ACCSL: variants seen among roughly 807,000 people sequenced by gnomAD.
ACCSL encodes the protein 1-aminocyclopropane-1-carboxylate synthase homolog (inactive) like.
Under a neutral mutation model 61.7 loss-of-function variants are expected in ACCSL, and 55 were observed. The observed-to-expected ratio is 0.89, with a 90% CI of 0.72 to 1.12. The LOEUF is 1.12. Among genes scored for constraint, ACCSL ranks in the 50% most tolerant of loss-of-function variants. The pLI, the probability that ACCSL is intolerant of heterozygous loss-of-function variation, is 0.00. For missense variants in ACCSL, 632 were observed against 698.0 expected (o/e 0.91, Z 1.07); for synonymous variants, 258 against 264.3 (o/e 0.98, Z 0.23).
chr11:44,002,244 C>T, the ACCSL span, among the ~76,000 whole-genome samples: 9 of 152,144 alleles, frequency 5.9e-5, no homozygotes, highest in Non-Finnish European at 1.3e-4. Context: ...TTTGAGAGCG[C>T]GCCTCCCCAT....
At chr11:43,930,171 G>T in the ACCSL span, among the ~76,000 whole-genome samples, 1 of 152,162 alleles carries the variant, frequency 6.6e-6, no homozygotes, top group African/African-American at 2.4e-5. Flanking sequence ...CTAGCCTGGG[G>T]TAAGGCCTGG....
chr11:43,997,914 G>C, the ACCSL span, among the ~76,000 whole-genome samples: 2 of 152,200 alleles, frequency 1.3e-5, no homozygotes, highest in African/African-American at 4.8e-5. Flanking sequence ...ATAGACAAGG[G>C]AGAAGAGGTA....
At chr11:44,040,777 T>G in the ACCSL span, among the ~76,000 whole-genome samples, 1 of 150,906 alleles carries the variant, frequency 6.6e-6, no homozygotes, top group Non-Finnish European at 1.5e-5. Flanking sequence ...GGGCCTCCAG[T>G]GAGGTAGGGT....
chr11:43,986,197 C>T, the ACCSL span, among the ~76,000 whole-genome samples: 1 of 151,950 alleles, frequency 6.6e-6, no homozygotes, highest in Admixed American at 6.6e-5. Flanking sequence ...ATAAAGGGTA[C>T]GCTTCTTTCA....
At chr11:44,051,963 T>C (rs572061447) in intron 5 of ACCSL, among the ~76,000 whole-genome samples, 1 of 152,340 alleles carries the variant, frequency 6.6e-6, no homozygotes, top group South Asian at 2.1e-4. Flanking sequence ...GGAATGATGA[T>C]GGGAGCCTAC....
At chr11:43,942,787 T>G in the ACCSL span, 12 of 586,008 alleles carry the variant, frequency 2.0e-5, no homozygotes, top group South Asian at 7.5e-5. Context: ...CCGCAGCAGA[T>G]TTGGATCCCC....
chr11:44,023,041 C>CTTTTTT, the ACCSL span, among the ~76,000 whole-genome samples: 432 of 86,286 alleles, frequency 5.0e-3, 1 homozygote, highest in East Asian at 9.9e-3. Flanking sequence ...TCTTCTTCTT[C>CTTTTTT]TTTTTTTTTT....
chr11:44,046,238 C>T (rs1301647314), upstream of ACCSL, among the ~76,000 whole-genome samples: 1 of 152,190 alleles, frequency 6.6e-6, no homozygotes, highest in Non-Finnish European at 1.5e-5. Context: ...TCTTTCTCAT[C>T]AGTATGTTCC....
At chr11:44,025,660 T>C in the ACCSL span, among the ~76,000 whole-genome samples, 1 of 152,210 alleles carries the variant, frequency 6.6e-6, no homozygotes, top group African/African-American at 2.4e-5. Context: ...TATTTATTCA[T>C]GTGGATTTGA....
chr11:43,950,872 T>C, the ACCSL span, among the ~76,000 whole-genome samples: 1 of 152,240 alleles, frequency 6.6e-6, no homozygotes, highest in Non-Finnish European at 1.5e-5. Flanking sequence ...TTAGCAGCCT[T>C]TCCCTACCAC....
At chr11:44,011,752 G>A in the ACCSL span, among the ~76,000 whole-genome samples, 34 of 152,280 alleles carry the variant, frequency 2.2e-4, no homozygotes, top group African/African-American at 7.7e-4. Flanking sequence ...GGGTGGTGGA[G>A]ACCCTGATAA....
the ACCSL span, among the ~76,000 whole-genome samples, chr11:43,953,730 G>A: frequency 7.2e-5 from 11 of 152,070 alleles, no homozygotes; most frequent in Non-Finnish European, 1.3e-4. Context: ...GATGTAAAAG[G>A]GGAGAAGCCC....
chr11:44,025,098 A>G, the ACCSL span, among the ~76,000 whole-genome samples: 1 of 152,142 alleles, frequency 6.6e-6, no homozygotes, highest in Admixed American at 6.5e-5. Flanking sequence ...TTTCTTATAA[A>G]CATCATATAA....
the ACCSL span, among the ~76,000 whole-genome samples, chr11:43,923,071 C>G: frequency 3.3e-5 from 5 of 152,330 alleles, no homozygotes; most frequent in East Asian, 7.7e-4. Context: ...CACTCTCTGC[C>G]TCTGTGGCTG....
At chr11:44,000,574 T>C in the ACCSL span, among the ~76,000 whole-genome samples, 1 of 79,472 alleles carries the variant, frequency 1.3e-5, no homozygotes, top group Non-Finnish European at 2.7e-5. Context: ...AACAAATAAA[T>C]AAATAAAGTA....
the ACCSL span, among the ~76,000 whole-genome samples, chr11:43,935,858 T>G: frequency 2.0e-5 from 3 of 152,134 alleles, no homozygotes; most frequent in African/African-American, 7.2e-5. Flanking sequence ...GAAGAGGGAC[T>G]GTCCTACATC....
chr11:43,956,933 G>T, the ACCSL span, among the ~76,000 whole-genome samples: 1 of 152,126 alleles, frequency 6.6e-6, no homozygotes, highest in African/African-American at 2.4e-5. Context: ...CAGCAGTGAG[G>T]TGAATGGTTT....
chr11:43,943,104 A>T, the ACCSL span: 1 of 1,498,334 alleles, frequency 6.7e-7, no homozygotes, highest in South Asian at 1.3e-5. The surrounding 1 kb of genome is among the most constrained non-coding windows in gnomAD (Gnocchi z 4.8). Flanking sequence ...CAGGAGGTGG[A>T]GGAGGAGGGG....
At chr11:43,936,724 G>A in the ACCSL span, among the ~76,000 whole-genome samples, 47 of 151,972 alleles carry the variant, frequency 3.1e-4, no homozygotes, top group Admixed American at 2.8e-3. Context: ...GCAGGGAAGG[G>A]CAGAGAAGGC....
Sources: gnomAD v4.1 joint callset for allele counts (sites outside exome capture counted in the v4.1 genomes callset) on GRCh38, gnomAD v4.1.1 for gene constraint, Gnocchi (gnomAD v3.1) non-coding constraint, MANE v1.5 for transcripts, NCBI Gene and HGNC (gene_info 2026-07-23, HGNC 2026-07-21) for gene names.